NEBL: variants seen among roughly 807,000 people sequenced by gnomAD.
The protein encoded by NEBL is LIM and SH3 protein 2.
NEBL carries 122 observed loss-of-function variants against 140.2 expected under a neutral mutation model. That is an observed-to-expected ratio of 0.87 (90% confidence interval 0.75 to 1.01). The LOEUF (loss-of-function observed/expected upper bound fraction) is 1.01, where lower values mean the gene tolerates loss of function less well. Ranked by LOEUF, NEBL falls within the 50% of genes least tolerant of loss-of-function variation. The pLI is 0.00. For synonymous variants in NEBL, 436 were observed against 398.9 expected (o/e 1.09, Z -1.11); for missense variants, 1,365 against 1,231.3 (o/e 1.11, Z -1.62).
intron 3 of NEBL, among the ~76,000 whole-genome samples, chr10:21,215,205 G>A (rs1841973040): frequency 6.6e-6 from 1 of 152,198 alleles, no homozygotes; most frequent in South Asian, 2.1e-4. Flanking sequence ...AGCTACTCAG[G>A]AGGTAGGGCA....
In NEBL at chr10:20,813,810, C is replaced by G. The variant is rs375720338; in HGVS notation, c.2346+129G>C. The stretch of plus-strand genomic sequence containing the variant: ...TTCAGTGTGATTAGAAATGCCCCTC[C>G]CTCAAAAGACAAGCCAACCACATTT... On this transcript the variant is annotated intron_variant, in intron 23 of 27. Coordinates refer to ENST00000377122, the MANE Select transcript of NEBL (RefSeq NM_006393.3). 1,353 of 703,630 alleles carry G rather than the reference C, an allele frequency of 1.9e-3. 27 individuals are homozygous for G. The South Asian group carries it at 0.02, about 10-fold the overall frequency. 43.6% of individuals were successfully genotyped at this position (703,630 alleles called of 1,614,324 possible).
intron 4 of NEBL, among the ~76,000 whole-genome samples, chr10:20,920,487 A>G (rs1275061589): frequency 6.6e-6 from 1 of 152,226 alleles, no homozygotes; most frequent in Non-Finnish European, 1.5e-5. Context: ...GCATACCGCT[A>G]AGGAGTCCAG....
At chr10:20,881,487 G>A (rs1166361300) in intron 4 of NEBL, among the ~76,000 whole-genome samples, 1 of 152,152 alleles carries the variant, frequency 6.6e-6, no homozygotes, top group African/African-American at 2.4e-5. Context: ...GGATGGAGAG[G>A]GGATATGAGA....
At chr10:21,125,306 C>T (rs974231014) in intron 2 of NEBL, among the ~76,000 whole-genome samples, 17 of 152,076 alleles carry the variant, frequency 1.1e-4, no homozygotes, top group African/African-American at 4.1e-4. Flanking sequence ...CAAGGGGTCC[C>T]ATCACATTGA....
chr10:20,937,304 G>T (rs74120566), intron 4 of NEBL, among the ~76,000 whole-genome samples: 190 of 152,176 alleles, frequency 1.2e-3, no homozygotes, highest in African/African-American at 4.5e-3. Context: ...GTCACGCAAA[G>T]GGCTTTTCCA....
At chr10:20,813,599 C>A in intron 23 of NEBL, 1 of 213,800 alleles carries the variant, frequency 4.7e-6, no homozygotes, top group Non-Finnish European at 9.5e-6. Flanking sequence ...GCTTTAAAAA[C>A]ACACTTCTTT....
chr10:20,970,823 C>G (rs1305845648), intron 3 of NEBL, among the ~76,000 whole-genome samples: 5 of 152,128 alleles, frequency 3.3e-5, no homozygotes, highest in Admixed American at 1.3e-4. Flanking sequence ...TGACATCCAC[C>G]TGCCCAGCAT....
chr10:21,135,078 C>T (rs1839290909), intron 2 of NEBL, among the ~76,000 whole-genome samples: 1 of 152,228 alleles, frequency 6.6e-6, no homozygotes, highest in African/African-American at 2.4e-5. Flanking sequence ...CTCTGGACAC[C>T]TCTTGTGAGT....
At chr10:21,184,580 T>G (rs1381831890) in intron 3 of NEBL, among the ~76,000 whole-genome samples, 1 of 152,156 alleles carries the variant, frequency 6.6e-6, no homozygotes, top group African/African-American at 2.4e-5. Context: ...CTTCATTATA[T>G]GAAAAGGAAA....
intron 12 of NEBL, among the ~76,000 whole-genome samples, chr10:20,842,987 T>C (rs1282905800): frequency 1.3e-5 from 2 of 152,070 alleles, no homozygotes; most frequent in Non-Finnish European, 2.9e-5. Flanking sequence ...CCTGGCTTAT[T>C]TCACCTGGCA....
In NEBL at chr10:20,917,804, T is replaced by C. The variant is rs146018969; in HGVS notation, c.357+43868A>G. ...ATTTTATATTTCACTTTCAAGATACTTCTTTGAGAAGCCAAGATTCTATAC... is the reference window on the plus strand; with the variant it reads ...ATTTTATATTTCACTTTCAAGATACCTCTTTGAGAAGCCAAGATTCTATAC... On this transcript the variant is annotated intron_variant, in intron 4 of 6. Transcript: ENST00000417816. Among the ~76,000 whole-genome samples, 13 of 152,338 alleles carry C rather than the reference T, an allele frequency of 8.5e-5. No individual in the cohort carries two copies. In the East Asian group the frequency reaches 2.3e-3, roughly 27 times the overall value.
At chr10:20,862,353 C>A (rs1843797868) in intron 7 of NEBL, among the ~76,000 whole-genome samples, 1 of 152,028 alleles carries the variant, frequency 6.6e-6, no homozygotes, top group South Asian at 2.1e-4. Flanking sequence ...ATTAATGAAC[C>A]ACAATAGTAA....
chr10:20,899,350 G>T, upstream of NEBL: 2 of 1,270,484 alleles, frequency 1.6e-6, no homozygotes, highest in South Asian at 1.2e-5. Flanking sequence ...GTTACTCAGG[G>T]TGACACCTAT....
At chr10:20,992,232 T>C (rs886905941) in intron 3 of NEBL, among the ~76,000 whole-genome samples, 2 of 152,258 alleles carry the variant, frequency 1.3e-5, no homozygotes, top group African/African-American at 4.8e-5. Flanking sequence ...GAACATTTTT[T>C]ATGTTTTATG....
chr10:21,106,169 T>G (rs1367549892), intron 2 of NEBL, among the ~76,000 whole-genome samples: 1 of 152,224 alleles, frequency 6.6e-6, no homozygotes, highest in Non-Finnish European at 1.5e-5. Context: ...TTTCTTTTGC[T>G]GTGCAGAAGA....
intron 3 of NEBL, among the ~76,000 whole-genome samples, chr10:21,182,918 A>C (rs1204087769): frequency 2.6e-5 from 4 of 152,224 alleles, no homozygotes; most frequent in African/African-American, 9.6e-5. Context: ...CTTTATATTT[A>C]TAGCGCCTCT....
chr10:21,168,754 A>G (rs1840909182), intron 2 of NEBL, among the ~76,000 whole-genome samples: 1 of 151,982 alleles, frequency 6.6e-6, no homozygotes, highest in Non-Finnish European at 1.5e-5. Context: ...AAATGGAAAA[A>G]TGGCTCAACA....
rs912347193 is a variant in NEBL, at chr10:20,823,060, T to C, written c.1962+148A>G. 4.2e-5 allele frequency: 25 copies of C among 600,118 alleles called. No homozygotes were observed. The African/African-American group carries it at 4.3e-4, about 10-fold the overall frequency. 37.2% of individuals were successfully genotyped at this position (600,118 alleles called of 1,614,324 possible). A position where few individuals can be genotyped will look rare whatever the true frequency, so the allele number is the denominator to read the frequency against. On this transcript the variant is annotated intron_variant, in intron 19 of 27. Coordinates refer to ENST00000377122, the MANE Select transcript of NEBL (RefSeq NM_006393.3). ...CTAGGTGTCATGGAGGGCATACAGATGTGTAAAATGCTAGCTCCACTTTTA... is the reference window on the plus strand; with the variant it reads ...CTAGGTGTCATGGAGGGCATACAGACGTGTAAAATGCTAGCTCCACTTTTA...
At chr10:21,071,371 C>T (rs760577902) in intron 2 of NEBL, among the ~76,000 whole-genome samples, 5 of 151,978 alleles carry the variant, frequency 3.3e-5, no homozygotes, top group Non-Finnish European at 5.9e-5. Context: ...AATTTACACA[C>T]ACACTCCTTT....
Sources: gnomAD v4.1 joint callset for allele counts (sites outside exome capture counted in the v4.1 genomes callset) on GRCh38, gnomAD v4.1.1 for gene constraint, MANE v1.5 for transcripts, NCBI Gene and HGNC (gene_info 2026-07-23, HGNC 2026-07-21) for gene names.